The following RNF180 variants were observed in gnomAD, a reference collection of about 807,000 sequenced individuals.
RNF180 encodes ring finger protein 180, also known as E3 ubiquitin-protein ligase RNF180.
RNF180 carries 38 observed loss-of-function variants against 59.2 expected under a neutral mutation model. The ratio of observed to expected loss-of-function variants is 0.64; its 90% CI spans 0.50 to 0.84. The LOEUF (loss-of-function observed/expected upper bound fraction) is 0.84. RNF180 is among the 40% of genes least tolerant of loss of function. The pLI is 0.00. For synonymous variants in RNF180, 262 were observed against 240.3 expected (o/e 1.09, Z -0.84); for missense variants, 705 against 700.9 (o/e 1.01, Z -0.07).
intron 1 of RNF180, among the ~76,000 whole-genome samples, chr5:64,186,499 C>G (rs568494281): frequency 6.6e-6 from 1 of 152,062 alleles, no homozygotes; most frequent in Admixed American, 6.6e-5. Flanking sequence ...TTTGCCTGTT[C>G]TCTCCCAGTC....
intron 5 of RNF180, among the ~76,000 whole-genome samples, chr5:64,317,714 G>C (rs1744131330): frequency 6.6e-6 from 1 of 151,676 alleles, no homozygotes; most frequent in African/African-American, 2.4e-5. Context: ...TGAAGCAGCA[G>C]GTAGTACCAA....
At chr5:64,301,191 G>A (rs1423598515) in intron 5 of RNF180, among the ~76,000 whole-genome samples, 3 of 151,632 alleles carry the variant, frequency 2.0e-5, no homozygotes, top group Non-Finnish European at 4.4e-5. Context: ...CTGAACAACA[G>A]CAATAAGAAC....
intron 5 of RNF180, among the ~76,000 whole-genome samples, chr5:64,312,125 CTGAG>C (rs922463262): frequency 4.6e-5 from 7 of 152,028 alleles, no homozygotes; most frequent in African/African-American, 1.7e-4. Context: ...CTTTAGGCTA[CTGAG>C]TAAGTTCTTA....
At chr5:64,226,676 A>G (rs1298794492) in intron 5 of RNF180, among the ~76,000 whole-genome samples, 1 of 152,226 alleles carries the variant, frequency 6.6e-6, no homozygotes, top group Non-Finnish European at 1.5e-5. Flanking sequence ...AAAAAAAAAA[A>G]AAGAAAAAAT....
intron 5 of RNF180, among the ~76,000 whole-genome samples, chr5:64,276,762 A>G (rs2112372986): frequency 6.6e-6 from 1 of 152,254 alleles, no homozygotes; most frequent in African/African-American, 2.4e-5. Flanking sequence ...TTTAAGTCTT[A>G]TAAGGAAAAA....
chr5:64,174,438 T>A (rs540668999), intron 1 of RNF180, among the ~76,000 whole-genome samples: 1 of 152,326 alleles, frequency 6.6e-6, no homozygotes, highest in African/African-American at 2.4e-5. Flanking sequence ...ATGTAAGAAT[T>A]CCTCGTTCTT....
At chr5:64,289,475 C>T (rs1157099406) in intron 5 of RNF180, among the ~76,000 whole-genome samples, 6 of 152,114 alleles carry the variant, frequency 3.9e-5, no homozygotes, top group Non-Finnish European at 7.4e-5. Flanking sequence ...AGTACTAGCT[C>T]TTCTTTGTAC....
chr5:64,318,558 A>T (rs960021427), intron 5 of RNF180, among the ~76,000 whole-genome samples: 12 of 152,206 alleles, frequency 7.9e-5, no homozygotes, highest in African/African-American at 2.9e-4. Context: ...ACACACATAC[A>T]TACATATATA....
At position 64,322,247 on chromosome 5, in the gene RNF180, T is replaced by A. The variant is rs566726112; in HGVS notation, c.1228-2939T>A. On this transcript the variant is annotated intron_variant, in intron 5 of 7. Coordinates refer to ENST00000389100, the MANE Select transcript of RNF180 (RefSeq NM_001113561.2). ...AGCTACAAAATGGGAGAAAATTTTTTCAATCTACCCATCTGACTATGGTCT... is the reference window on the plus strand; with the variant it reads ...AGCTACAAAATGGGAGAAAATTTTTACAATCTACCCATCTGACTATGGTCT... Among the ~76,000 whole-genome samples, 30 of 152,154 alleles carry A rather than the reference T, an allele frequency of 2.0e-4. 1 individual carries two copies. The South Asian group carries it at 6.0e-3, about 31-fold the overall frequency.
rs188088678 is a variant in RNF180, at chr5:64,216,002, A to G, written c.1192-1359A>G. On this transcript the variant is annotated intron_variant, in intron 4 of 7. Coordinates refer to ENST00000389100, the MANE Select transcript of RNF180 (RefSeq NM_001113561.2). ...CAAAGTTAATGTGTTTTTTTTTTGT[A>G]TAGATGAAGTTATTTGTATTCATTC... Among the ~76,000 whole-genome samples, 158 of 150,578 alleles carry G rather than the reference A, an allele frequency of 1.0e-3. 1 individual carries two copies. The highest frequency in any genetic ancestry group is 8.1e-4 in the Non-Finnish European group (55 of 67,698).
Position 64,213,483 on chromosome 5 carries a change from T to G in RNF180, c.232-75T>G. ...CATAGAAAACTTTCATGTGGCTGGC[T>G]TTAAAGAAAAAAAAATTTCTCTTCA... On this transcript the variant is annotated intron_variant, in intron 3 of 7. Coordinates refer to ENST00000389100, the MANE Select transcript of RNF180 (RefSeq NM_001113561.2). The G allele has an allele frequency of 4.2e-6, 6 of 1,433,112 alleles. No homozygotes were observed. The South Asian group carries it at 8.5e-5, about 20-fold the overall frequency. The allele number at this position is 1,433,112 out of a possible 1,614,324, so 88.8% of individuals were successfully genotyped here.
intron 7 of RNF180, among the ~76,000 whole-genome samples, chr5:64,346,028 A>C (rs892751044): frequency 3.3e-5 from 5 of 152,054 alleles, no homozygotes; most frequent in Middle Eastern, 3.2e-3. Context: ...TCTCAGATTA[A>C]TTTCAAATCA....
At chr5:64,292,719 G>C (rs1742665624) in intron 5 of RNF180, among the ~76,000 whole-genome samples, 2 of 152,234 alleles carry the variant, frequency 1.3e-5, no homozygotes, top group Admixed American at 1.3e-4. Flanking sequence ...GAGCCAGCAT[G>C]CTGGAAAGGC....
At chr5:64,351,663 A>G (rs1285291432) in intron 7 of RNF180, among the ~76,000 whole-genome samples, 2 of 151,578 alleles carry the variant, frequency 1.3e-5, no homozygotes, top group Non-Finnish European at 1.5e-5. Flanking sequence ...TGAGATTATC[A>G]TATGGTTTTT....
intron 5 of RNF180, among the ~76,000 whole-genome samples, chr5:64,252,290 G>T (rs764713969): frequency 6.6e-6 from 1 of 152,140 alleles, no homozygotes; most frequent in Non-Finnish European, 1.5e-5. Context: ...AGGCCAGTTA[G>T]GGGAGGGGGA....
At chr5:64,230,264 A>G (rs1742021891) in intron 5 of RNF180, among the ~76,000 whole-genome samples, 1 of 152,240 alleles carries the variant, frequency 6.6e-6, no homozygotes, top group Non-Finnish European at 1.5e-5. Context: ...AAATTACCAC[A>G]AATTAAGTTG....
chr5:64,183,819 A>T (rs1314027755), intron 1 of RNF180, among the ~76,000 whole-genome samples: 1 of 152,206 alleles, frequency 6.6e-6, no homozygotes, highest in Non-Finnish European at 1.5e-5. Context: ...ACCACATATG[A>T]TGTCCTGAAA....
chr5:64,300,517 T>A (rs1743106365), intron 5 of RNF180, among the ~76,000 whole-genome samples: 1 of 151,826 alleles, frequency 6.6e-6, no homozygotes, highest in Non-Finnish European at 1.5e-5. Flanking sequence ...ATGTTACTTC[T>A]TCATAAATCA....
At chr5:64,280,333 T>C (rs1741944501) in intron 5 of RNF180, among the ~76,000 whole-genome samples, 2 of 152,228 alleles carry the variant, frequency 1.3e-5, no homozygotes. Context: ...ATCATATTTG[T>C]CAATTTTTGT....
Sources: allele counts gnomAD v4.1 joint callset (sites outside exome capture counted in the v4.1 genomes callset), GRCh38; gene constraint gnomAD v4.1.1; transcripts MANE v1.5; gene names NCBI Gene and HGNC (gene_info 2026-07-23, HGNC 2026-07-21).